TRAPPC9: variants seen among roughly 807,000 people sequenced by gnomAD.
The protein encoded by TRAPPC9 is trafficking protein particle complex subunit 9.
TRAPPC9 carries 83 observed loss-of-function variants against 124.0 expected under a neutral mutation model. The ratio of observed to expected loss-of-function variants is 0.67; its 90% CI spans 0.56 to 0.80. The LOEUF (loss-of-function observed/expected upper bound fraction) is 0.80, where lower values mean the gene tolerates loss of function less well. Among genes scored for constraint, TRAPPC9 ranks in the 30% least tolerant of loss-of-function variants. The probability of loss-of-function intolerance (pLI) is 0.00; values close to 1 mark genes in which losing one functional copy is unlikely to be tolerated. For missense variants in TRAPPC9, 1,302 were observed against 1,508.3 expected, an observed-to-expected ratio of 0.86 and a Z score of 2.27; for synonymous variants, 638 against 617.5, an observed-to-expected ratio of 1.03 and a Z score of -0.49.
intron 17 of TRAPPC9, among the ~76,000 whole-genome samples, chr8:140,201,566 C>T (rs1035350405): frequency 3.3e-5 from 5 of 152,182 alleles, no homozygotes; most frequent in South Asian, 2.1e-4. Context: ...TATACTGTTA[C>T]AAAATATCTT....
chr8:139,806,869 G>C (rs1824103019), intron 21 of TRAPPC9, among the ~76,000 whole-genome samples: 1 of 152,246 alleles, frequency 6.6e-6, no homozygotes, highest in Non-Finnish European at 1.5e-5. Flanking sequence ...CACACGCACG[G>C]GGGAGAAGCT....
chr8:139,753,257 ACCAT>A lies in TRAPPC9; in HGVS notation c.3056-21059_3056-21056del, dbSNP rs1403470879. Among the ~76,000 whole-genome samples the A allele has an allele frequency of 5.9e-5, 8 of 134,776 alleles. 1 individual carries two copies. The East Asian group carries it at 1.6e-3, about 27-fold the overall frequency. 88.4% of individuals were successfully genotyped at this position (134,776 alleles called of 152,430 possible). ...TACCCATCCATCCATTCACCCATCTACCATCCATCCATCCAACATCTACCCATCC... is the reference window on the plus strand; with the variant it reads ...TACCCATCCATCCATTCACCCATCTACCATCCATCCAACATCTACCCATCC... On this transcript the variant is annotated intron_variant, in intron 21 of 22. Transcript: ENST00000438773.
chr8:139,898,141 G>A (rs952466579), intron 20 of TRAPPC9, among the ~76,000 whole-genome samples: 2 of 152,208 alleles, frequency 1.3e-5, no homozygotes, highest in African/African-American at 4.8e-5. Flanking sequence ...CCTAGAAGAG[G>A]GGCAAGGGGC....
At chr8:140,338,264 T>C (rs888639862) in intron 9 of TRAPPC9, among the ~76,000 whole-genome samples, 1 of 152,190 alleles carries the variant, frequency 6.6e-6, no homozygotes, top group East Asian at 1.9e-4. Flanking sequence ...CCCACAAATA[T>C]GGACCAGTGG....
chr8:140,458,446 C>A (rs199684926), upstream of TRAPPC9: 1 of 1,579,284 alleles, frequency 6.3e-7, no homozygotes, highest in East Asian at 2.3e-5. Flanking sequence ...GACCGTGGCG[C>A]GCGCGGCCTG....
At chr8:139,737,287 C>T (rs1174192589) in intron 21 of TRAPPC9, among the ~76,000 whole-genome samples, 4 of 152,200 alleles carry the variant, frequency 2.6e-5, no homozygotes, top group African/African-American at 9.6e-5. Flanking sequence ...CTGGGGGACC[C>T]GCTGCTCAAT....
At chr8:139,971,774 T>TAC (rs4058396) in intron 19 of TRAPPC9, among the ~76,000 whole-genome samples, 3 of 48,178 alleles carry the variant, frequency 6.2e-5, no homozygotes, top group African/African-American at 1.8e-4. Flanking sequence ...CATATATATA[T>TAC]ACACACACAT....
chr8:140,092,938 GA>G (rs1409943860), intron 17 of TRAPPC9, among the ~76,000 whole-genome samples: 1 of 151,732 alleles, frequency 6.6e-6, no homozygotes, highest in Admixed American at 6.6e-5. Context: ...GTTAAAGGGG[GA>G]TAATCCATTT....
At chr8:139,773,769 CCAAT>C (rs1821151711) in intron 21 of TRAPPC9, among the ~76,000 whole-genome samples, 1 of 152,228 alleles carries the variant, frequency 6.6e-6, no homozygotes, top group Non-Finnish European at 1.5e-5. Context: ...AACCGACCAA[CCAAT>C]CAACCATGCA....
chr8:139,908,959 G>C (rs1378576420), intron 20 of TRAPPC9, among the ~76,000 whole-genome samples: 3 of 152,106 alleles, frequency 2.0e-5, no homozygotes, highest in Non-Finnish European at 4.4e-5. Flanking sequence ...TTTCATGTCT[G>C]GTTCACAAAA....
intron 19 of TRAPPC9, chr8:139,931,925 A>T: frequency 5.3e-6 from 1 of 187,416 alleles, no homozygotes; most frequent in Non-Finnish European, 1.1e-5. Context: ...TGTGTTGAAA[A>T]TAAAGAATAA....
intron 15 of TRAPPC9, among the ~76,000 whole-genome samples, chr8:140,263,716 T>G (rs1024913460): frequency 4.6e-5 from 7 of 152,170 alleles, no homozygotes; most frequent in South Asian, 2.1e-4. Flanking sequence ...TTGGTCCAGG[T>G]CACCCAGCCA....
intron 18 of TRAPPC9, among the ~76,000 whole-genome samples, chr8:140,004,690 T>C (rs896803230): frequency 1.3e-5 from 2 of 152,092 alleles, no homozygotes; most frequent in African/African-American, 4.8e-5. Flanking sequence ...AGCCAATGAC[T>C]CAATATCGAC....
At position 139,825,865 on chromosome 8, in the gene TRAPPC9, C is replaced by A. The variant is rs989173934; in HGVS notation, c.3055+60014G>T. On this transcript the variant is annotated intron_variant, in intron 21 of 22. Coordinates refer to ENST00000438773, the MANE Select transcript of TRAPPC9 (RefSeq NM_001160372.4). The surrounding 1 kb of genome is among the most constrained non-coding windows in gnomAD (Gnocchi z 4.6). Reference sequence around the variant, plus strand: ...TCCAGGGCTTCCTCACCCATGGGTTCCTGAATCAGAATATTTCCTGTGCAA... The same window carrying A: ...TCCAGGGCTTCCTCACCCATGGGTTACTGAATCAGAATATTTCCTGTGCAA... Among the ~76,000 whole-genome samples the A allele has an allele frequency of 6.6e-6, 1 of 152,030 alleles. No individual in the cohort carries two copies. Among genetic ancestry groups the A allele is most frequent in the Admixed American group, 6.5e-5 (1 of 15,286 alleles).
chr8:140,083,940 C>T (rs1214429878), intron 17 of TRAPPC9, among the ~76,000 whole-genome samples: 4 of 152,174 alleles, frequency 2.6e-5, no homozygotes, highest in Non-Finnish European at 4.4e-5. Flanking sequence ...GCTGGGATTA[C>T]AGGCATGAGC....
chr8:140,037,883 C>T (rs1251692855), intron 17 of TRAPPC9, among the ~76,000 whole-genome samples: 1 of 138,302 alleles, frequency 7.2e-6, no homozygotes, highest in Non-Finnish European at 1.6e-5. Flanking sequence ...ACCTCCAACA[C>T]ACACACACAC....
chr8:140,091,754 C>T (rs1175852938), intron 17 of TRAPPC9, among the ~76,000 whole-genome samples: 1 of 152,186 alleles, frequency 6.6e-6, no homozygotes, highest in East Asian at 1.9e-4. Context: ...TGCTGTCCCG[C>T]CTGCTGCGAT....
chr8:140,386,002 G>C (rs940659814), intron 7 of TRAPPC9, among the ~76,000 whole-genome samples: 10 of 152,288 alleles, frequency 6.6e-5, no homozygotes, highest in Non-Finnish European at 1.2e-4. Context: ...GGGATGCAAG[G>C]CTGGTTCAAT....
chr8:139,994,536 T>C (rs1207649043), intron 18 of TRAPPC9, among the ~76,000 whole-genome samples: 6 of 152,230 alleles, frequency 3.9e-5, no homozygotes. Flanking sequence ...GGTAAGGTGC[T>C]GTCAGGTGAC....
Sources: gnomAD v4.1 joint callset for allele counts (sites outside exome capture counted in the v4.1 genomes callset) on GRCh38, gnomAD v4.1.1 for gene constraint, Gnocchi (gnomAD v3.1) non-coding constraint, MANE v1.5 for transcripts, NCBI Gene and HGNC (gene_info 2026-07-23, HGNC 2026-07-21) for gene names.